Variants in GRIK2 observed in about 807,000 individuals in gnomAD.
GRIK2 encodes glutamate receptor ionotropic, kainate 2.
In GRIK2, 32 loss-of-function variants were observed where a neutral mutation model predicts 100.3. The ratio of observed to expected loss-of-function variants is 0.32; its 90% CI spans 0.24 to 0.43. The LOEUF is 0.43. Ranked by LOEUF, GRIK2 falls within the 20% of genes least tolerant of loss-of-function variation. The probability of loss-of-function intolerance (pLI) is 1.00; values close to 1 mark genes in which losing one functional copy is unlikely to be tolerated. For missense variants in GRIK2, 843 were observed against 1,114.9 expected (o/e 0.76, Z 3.47); for synonymous variants, 417 against 389.4 (o/e 1.07, Z -0.83).
chr6:101,442,135 A>G (rs1770105350), intron 2 of GRIK2, among the ~76,000 whole-genome samples: 1 of 152,156 alleles, frequency 6.6e-6, no homozygotes, highest in Non-Finnish European at 1.5e-5. Context: ...GGCTTTGGCC[A>G]CAGATGTGTC....
At chr6:101,979,690 T>C (rs761762525) in intron 14 of GRIK2, among the ~76,000 whole-genome samples, 7 of 151,912 alleles carry the variant, frequency 4.6e-5, no homozygotes, top group Non-Finnish European at 5.9e-5. Context: ...CTAGTTCTTC[T>C]AGCATGCACA....
At chr6:102,055,050 TCTTA>T (rs1771397418) in intron 15 of GRIK2, among the ~76,000 whole-genome samples, 1 of 152,192 alleles carries the variant, frequency 6.6e-6, no homozygotes, top group African/African-American at 2.4e-5. Flanking sequence ...GTGGATTCTT[TCTTA>T]CTGTTTTACA....
chr6:101,838,746 G>A (rs910563296), intron 10 of GRIK2, among the ~76,000 whole-genome samples: 14 of 151,224 alleles, frequency 9.3e-5, no homozygotes, highest in South Asian at 2.1e-4. Flanking sequence ...CTGCCTCCTG[G>A]GTTCCAGCAA....
chr6:101,993,948 A>G (rs1387485924), intron 14 of GRIK2: 8 of 146,644 alleles, frequency 5.5e-5, no homozygotes, highest in Non-Finnish European at 1.2e-4. Flanking sequence ...TATACATTAT[A>G]AACAAATGTA....
intron 2 of GRIK2, among the ~76,000 whole-genome samples, chr6:101,482,914 C>G (rs1772609646): frequency 6.6e-6 from 1 of 152,048 alleles, no homozygotes; most frequent in Non-Finnish European, 1.5e-5. Flanking sequence ...TGTTAAAGTT[C>G]TTATTTTAAC....
At position 101,744,532 on chromosome 6, in the gene GRIK2, A is replaced by ATATG. The variant is rs1776272977; in HGVS notation, c.952-55113_952-55112insGTAT. 4 of 85,328 alleles carry ATATG rather than the reference A, an allele frequency of 4.7e-5. No individual in the cohort carries two copies. In the South Asian group the frequency reaches 1.9e-3, roughly 42 times the overall value. The allele number at this position is 85,328 out of a possible 1,614,324, so 5.3% of individuals were successfully genotyped here. ...TGTGTGTGCGTGCGCGCATATATAT[A>ATATG]TATATATATATATATATATATATAT... On this transcript the variant is annotated intron_variant, in intron 7 of 16. Transcript: ENST00000369134.
At chr6:101,854,688 G>A (rs1784330099) in intron 10 of GRIK2, among the ~76,000 whole-genome samples, 1 of 151,912 alleles carries the variant, frequency 6.6e-6, no homozygotes, top group Non-Finnish European at 1.5e-5. Context: ...TAAATGTATT[G>A]TTAAATATAT....
At position 101,767,410 on chromosome 6, in the gene GRIK2, T is replaced by C. The variant is rs114539260; in HGVS notation, c.952-32238T>C. ...ATTATGATCTCTCTTTCTTTCTTTATGTATTTATGGAGATAGATGGATAAG... is the reference window on the plus strand; with the variant it reads ...ATTATGATCTCTCTTTCTTTCTTTACGTATTTATGGAGATAGATGGATAAG... On this transcript the variant is annotated intron_variant, in intron 7 of 16. Coordinates refer to ENST00000369134, the MANE Select transcript of GRIK2 (RefSeq NM_021956.5). 9.5e-3 allele frequency among the ~76,000 whole-genome samples: 1,444 copies of C among 152,292 alleles called. 22 individuals carry two copies. The highest frequency in any genetic ancestry group is 0.032 in the African/African-American group (1,320 of 41,556).
intron 2 of GRIK2, among the ~76,000 whole-genome samples, chr6:101,518,925 A>G (rs1249363164): frequency 6.6e-6 from 1 of 152,180 alleles, no homozygotes; most frequent in Non-Finnish European, 1.5e-5. Context: ...TTTTTAAACA[A>G]GTGTTACATT....
At chr6:101,434,625 G>C (rs967076611) in intron 2 of GRIK2, among the ~76,000 whole-genome samples, 5 of 152,054 alleles carry the variant, frequency 3.3e-5, no homozygotes, top group Non-Finnish European at 7.4e-5. Flanking sequence ...TGGATGTGAA[G>C]ATTTAAAATA....
chr6:101,799,927 A>G lies in GRIK2; in HGVS notation c.1095+136A>G, dbSNP rs573529299. ...TTTTCTCTCTTACTCCAAATAAGCA[A>G]AATTAACATTTTTACTAAATAATAC... On this transcript the variant is annotated intron_variant, in intron 8 of 16. Coordinates refer to ENST00000369134, the MANE Select transcript of GRIK2 (RefSeq NM_021956.5). 1,998 of 663,892 alleles carry G rather than the reference A, an allele frequency of 3.0e-3. 9 individuals are homozygous for G. Among genetic ancestry groups the G allele is most frequent in the Middle Eastern group, 5.9e-3 (18 of 3,032 alleles). The allele number at this position is 663,892 out of a possible 1,614,324, so 41.1% of individuals were successfully genotyped here. A position where few individuals can be genotyped will look rare whatever the true frequency, so the allele number is the denominator to read the frequency against.
intron 10 of GRIK2, among the ~76,000 whole-genome samples, chr6:101,837,762 A>G (rs1415014749): frequency 6.6e-6 from 1 of 152,190 alleles, no homozygotes; most frequent in East Asian, 1.9e-4. Flanking sequence ...CTAATTTACT[A>G]CTTGGTACAG....
intron 4 of GRIK2, among the ~76,000 whole-genome samples, chr6:101,629,919 G>T (rs374975474): frequency 3.3e-5 from 5 of 152,016 alleles, no homozygotes; most frequent in African/African-American, 1.2e-4. Context: ...ATTTATGTAC[G>T]TATGTACCAA....
intron 7 of GRIK2, among the ~76,000 whole-genome samples, chr6:101,702,865 A>G (rs538620157): frequency 1.3e-4 from 20 of 152,012 alleles, no homozygotes; most frequent in African/African-American, 4.8e-4. Context: ...GGAAACAAGC[A>G]AGGTGCATCT....
chr6:101,470,824 T>C (rs920026747), intron 2 of GRIK2, among the ~76,000 whole-genome samples: 71 of 152,152 alleles, frequency 4.7e-4, no homozygotes, highest in Non-Finnish European at 1.5e-5. Flanking sequence ...AAACAATCCA[T>C]CAAATTTTTA....
At chr6:102,013,632 T>G (rs1326375731) in intron 14 of GRIK2, among the ~76,000 whole-genome samples, 1 of 152,162 alleles carries the variant, frequency 6.6e-6, no homozygotes, top group Non-Finnish European at 1.5e-5. Flanking sequence ...TTGAGAGTTT[T>G]TAACATGAAA....
intron 2 of GRIK2, among the ~76,000 whole-genome samples, chr6:101,483,055 T>C (rs1339138963): frequency 6.6e-6 from 1 of 152,250 alleles, no homozygotes; most frequent in Non-Finnish European, 1.5e-5. Flanking sequence ...TTAAAGATGT[T>C]GAAAAACTTT....
At chr6:101,988,189 G>A (rs537496220) in intron 14 of GRIK2, among the ~76,000 whole-genome samples, 3 of 150,426 alleles carry the variant, frequency 2.0e-5, no homozygotes, top group Non-Finnish European at 3.0e-5. Flanking sequence ...TCATGAGTAT[G>A]TGTAGATATA....
chr6:101,771,087 A>G (rs151257445), intron 7 of GRIK2, among the ~76,000 whole-genome samples: 9 of 152,234 alleles, frequency 5.9e-5, no homozygotes, highest in Non-Finnish European at 1.2e-4. Context: ...TCCAACTTAT[A>G]TGGAGATAAA....
Sources: allele counts gnomAD v4.1 joint callset (sites outside exome capture counted in the v4.1 genomes callset), GRCh38; gene constraint gnomAD v4.1.1; transcripts MANE v1.5; gene names NCBI Gene and HGNC (gene_info 2026-07-23, HGNC 2026-07-21).